Variants in TLK1 observed in about 807,000 individuals in gnomAD.
TLK1 encodes the protein tousled like kinase 1, also known as serine/threonine-protein kinase tousled-like 1.
In TLK1, 24 loss-of-function variants were observed where a neutral mutation model predicts 105.3. The observed-to-expected ratio is 0.23, with a 90% CI of 0.17 to 0.32. The LOEUF is 0.32. TLK1 is among the 10% of genes least tolerant of loss of function. The pLI is 1.00. For missense variants in TLK1, 558 were observed against 910.5 expected, an observed-to-expected ratio of 0.61 and a Z score of 4.98; for synonymous variants, 321 against 310.4, an observed-to-expected ratio of 1.03 and a Z score of -0.36.
chr2:171,031,305 A>G (rs571701789), intron 11 of TLK1, among the ~76,000 whole-genome samples: 2 of 152,308 alleles, frequency 1.3e-5, no homozygotes, highest in South Asian at 4.1e-4. Flanking sequence ...AAATCTATGT[A>G]TTTAGATAAA....
At chr2:170,998,548 C>A (rs1337815670) in intron 18 of TLK1, among the ~76,000 whole-genome samples, 1 of 152,120 alleles carries the variant, frequency 6.6e-6, no homozygotes, top group African/African-American at 2.4e-5. Flanking sequence ...ACCCACCCAA[C>A]CCCCATAAGC....
chr2:171,060,186 C>T (rs1435091065), intron 4 of TLK1, among the ~76,000 whole-genome samples: 1 of 152,140 alleles, frequency 6.6e-6, no homozygotes, highest in Non-Finnish European at 1.5e-5. Context: ...AGGAAAAAAA[C>T]ATGGTTCAAC....
chr2:171,222,377 G>A (rs549341511), intron 1 of TLK1, among the ~76,000 whole-genome samples: 3 of 151,844 alleles, frequency 2.0e-5, no homozygotes, highest in Non-Finnish European at 2.9e-5. Context: ...CTCTGTTGCC[G>A]AGGCTGGAGT....
chr2:171,078,055 G>C (rs10210883), intron 3 of TLK1, among the ~76,000 whole-genome samples: 60,018 of 151,914 alleles, frequency 0.4, 13,360 homozygotes, highest in African/African-American at 0.59. Context: ...GTCTTCTTAT[G>C]TAGCCTGACC....
In TLK1 at chr2:170,996,750, T is replaced by C. The variant is rs1306611669; in HGVS notation, c.2027A>G (p.His676Arg). 1 of 1,605,600 alleles carries C rather than the reference T, an allele frequency of 6.2e-7. No homozygotes were observed. The change falls in exon 20 of 21, where the codon CAC becomes CGC. Residue 676 changes from histidine to arginine, a missense_variant. His to Arg is a conservative substitution (Grantham distance 29). Coordinates refer to ENST00000431350, the MANE Select transcript of TLK1 (RefSeq NM_012290.5). Reference sequence around the variant, plus strand: ...AAGAATGTCTTGTTGAGATTGATTGTGACCAAATGGCTTAAAAAAAAAATT... The same window carrying C: ...AAGAATGTCTTGTTGAGATTGATTGCGACCAAATGGCTTAAAAAAAAAATT... Reference protein sequence around the residue: ...QCLYGRKPFGHNQSQQDILQE... With the variant: ...QCLYGRKPFGRNQSQQDILQE...
chr2:171,135,319 G>GTGTATATA (rs533903072), intron 1 of TLK1, among the ~76,000 whole-genome samples: 32 of 70,310 alleles, frequency 4.6e-4, no homozygotes, highest in African/African-American at 1.8e-3. Flanking sequence ...GTGTGTGTGT[G>GTGTATATA]TATATATATA....
chr2:171,207,399 T>C (rs1055934581), intron 1 of TLK1, among the ~76,000 whole-genome samples: 9 of 152,170 alleles, frequency 5.9e-5, no homozygotes, highest in Non-Finnish European at 1.0e-4. Flanking sequence ...GGAGGGATGA[T>C]TAAGCAGATC....
intron 3 of TLK1, among the ~76,000 whole-genome samples, chr2:171,069,095 T>C (rs1326423817): frequency 1.3e-5 from 2 of 152,324 alleles, no homozygotes; most frequent in East Asian, 1.9e-4. Flanking sequence ...ATTGGCAAAT[T>C]TGATAATTAC....
rs1186670415 is a variant in TLK1 at position 170,996,652 on chromosome 2, C to A, written c.2124+1G>T. 1 of 1,607,066 alleles carries A rather than the reference C, an allele frequency of 6.2e-7. No homozygotes were observed. Among genetic ancestry groups the A allele is most frequent in the African/African-American group, 1.3e-5 (1 of 74,400 alleles). ...AAAACTCATTTACAAAAATTTAATA[C>A]CTTGGCTTCACTGCTTACAACCGGT... On this transcript the variant is annotated splice_donor_variant, in intron 20 of 20. Transcript: ENST00000431350. LOFTEE classifies it high-confidence loss of function.
chr2:171,034,165 G>T (rs1287860578), intron 11 of TLK1, among the ~76,000 whole-genome samples: 1 of 152,166 alleles, frequency 6.6e-6, no homozygotes, highest in Admixed American at 6.5e-5. Context: ...TTGTCATGCT[G>T]ATGGGAATGT....
intron 2 of TLK1, among the ~76,000 whole-genome samples, chr2:171,087,709 T>G (rs1408901981): frequency 6.6e-6 from 1 of 152,066 alleles, no homozygotes; most frequent in African/African-American, 2.4e-5. Flanking sequence ...GAAAACAATC[T>G]TGAAAGCAGC....
intron 11 of TLK1, among the ~76,000 whole-genome samples, chr2:171,039,737 T>C (rs544764169): frequency 3.3e-5 from 5 of 152,292 alleles, no homozygotes; most frequent in East Asian, 3.9e-4. Flanking sequence ...ATAGTAATAA[T>C]GTAAATCAGA....
At chr2:171,186,688 A>C (rs1352954606) in intron 1 of TLK1, among the ~76,000 whole-genome samples, 1 of 152,206 alleles carries the variant, frequency 6.6e-6, no homozygotes, top group African/African-American at 2.4e-5. Flanking sequence ...GTGGGCTTAA[A>C]TAATCACTTT....
At chr2:171,088,466 G>A (rs1459399688) in intron 2 of TLK1, among the ~76,000 whole-genome samples, 3 of 152,166 alleles carry the variant, frequency 2.0e-5, no homozygotes, top group Non-Finnish European at 4.4e-5. Flanking sequence ...TCCAGAACTG[G>A]AAAGCATGTT....
intron 12 of TLK1, among the ~76,000 whole-genome samples, chr2:171,020,063 GA>G (rs35782529): frequency 0.81 from 110,315 of 136,186 alleles, 46,224 homozygotes; most frequent in East Asian, 0.99. Context: ...CTCCGTCTCA[GA>G]AAAAAAAAAA....
At chr2:171,117,961 A>C in intron 1 of TLK1, 104 bp from the exon 2 acceptor site, 1 of 730,188 alleles carries the variant, frequency 1.4e-6, no homozygotes, top group Non-Finnish European at 2.0e-6. Flanking sequence ...TTAAAAATTT[A>C]GGAATGAATG....
In TLK1 at chr2:171,160,326, G is replaced by A. The variant is rs768117865; in HGVS notation, c.103C>T (p.Leu35=). ...CTCCCGGATGGCGGCGTGTGATTCAGCAGGGACCTGGCCGCCGCCGCCGAG... is the reference window on the plus strand; with the variant it reads ...CTCCCGGATGGCGGCGTGTGATTCAACAGGGACCTGGCCGCCGCCGCCGAG... ...PGSAAAARSL[L]NHTPPSGRPR... The change falls in exon 1 of 21, where the codon CTG becomes TTG. Residue 35 remains leucine, a synonymous_variant. Coordinates refer to ENST00000431350, the MANE Select transcript of TLK1 (RefSeq NM_012290.5). This position sits in a 1 kb window ranked among gnomAD's most constrained non-coding sequence, Gnocchi z 4.4. The A allele has an allele frequency of 3.7e-6, 6 of 1,602,270 alleles. 1 individual carries two copies. The South Asian group carries it at 5.6e-5, about 15-fold the overall frequency.
At chr2:171,061,398 C>T (rs1687741689) in intron 3 of TLK1, among the ~76,000 whole-genome samples, 1 of 152,136 alleles carries the variant, frequency 6.6e-6, no homozygotes, top group African/African-American at 2.4e-5. Flanking sequence ...CAGAATTTGA[C>T]ATGAAGTGGA....
chr2:171,178,273 A>G (rs1393994850), intron 1 of TLK1, among the ~76,000 whole-genome samples: 1 of 152,190 alleles, frequency 6.6e-6, no homozygotes, highest in Non-Finnish European at 1.5e-5. Flanking sequence ...TCACGCAGAT[A>G]TCAAGGGAAG....
Sources: gnomAD v4.1 joint callset for allele counts (sites outside exome capture counted in the v4.1 genomes callset) on GRCh38, gnomAD v4.1.1 for gene constraint, Gnocchi (gnomAD v3.1) non-coding constraint, MANE v1.5 for transcripts, NCBI Gene and HGNC (gene_info 2026-07-23, HGNC 2026-07-21) for gene names.